The following SH3RF2 variants were observed in gnomAD, a reference collection of about 807,000 sequenced individuals.
The protein encoded by SH3RF2 is SH3 domain containing ring finger 2, also known as E3 ubiquitin-protein ligase SH3RF2.
In SH3RF2, 43 loss-of-function variants were observed where a neutral mutation model predicts 59.0. That is an observed-to-expected ratio of 0.73 (90% CI 0.57 to 0.94). The LOEUF (loss-of-function observed/expected upper bound fraction) is 0.94. Ranked by LOEUF, SH3RF2 falls within the 40% of genes least tolerant of loss-of-function variation. SH3RF2 has a pLI of 0.00. For missense variants in SH3RF2, 930 were observed against 940.1 expected (o/e 0.99, Z 0.14); for synonymous variants, 391 against 391.5 (o/e 1.00, Z 0.01).
intron 2 of SH3RF2, among the ~76,000 whole-genome samples, chr5:145,996,315 A>G (rs1490840187): frequency 6.6e-6 from 1 of 152,216 alleles, no homozygotes; most frequent in Non-Finnish European, 1.5e-5. Flanking sequence ...CACTGCTTGG[A>G]AAAGCACAAA....
At chr5:146,064,196 G>A (rs1185639227), downstream of SH3RF2, among the ~76,000 whole-genome samples, 2 of 151,970 alleles carry the variant, frequency 1.3e-5, no homozygotes, top group East Asian at 3.9e-4. Flanking sequence ...AGGCATAAGA[G>A]TAAGAGTGAA....
intron 5 of SH3RF2, among the ~76,000 whole-genome samples, chr5:146,022,922 C>CAA (rs1398253089): frequency 3.6e-5 from 5 of 137,626 alleles, no homozygotes; most frequent in African/African-American, 1.1e-4. Context: ...CACACACACA[C>CAA]AATTCCTTAA....
intron 2 of SH3RF2, among the ~76,000 whole-genome samples, chr5:145,950,741 C>G (rs1194269281): frequency 1.3e-5 from 2 of 152,136 alleles, no homozygotes; most frequent in African/African-American, 4.8e-5. Context: ...AGCTCTGGTC[C>G]AGAACTGATC....
At chr5:146,016,372 A>G (rs1037379236) in intron 5 of SH3RF2, among the ~76,000 whole-genome samples, 2 of 151,390 alleles carry the variant, frequency 1.3e-5, no homozygotes, top group African/African-American at 4.9e-5. Flanking sequence ...GGATGGATGG[A>G]TGGATGGATG....
At chr5:146,029,674 CA>C (rs1761673457) in intron 5 of SH3RF2, among the ~76,000 whole-genome samples, 1 of 152,092 alleles carries the variant, frequency 6.6e-6, no homozygotes, top group South Asian at 2.1e-4. Context: ...ACAGAGGGCA[CA>C]AAAGGGGCAT....
At chr5:146,051,252 G>A (rs1348186200) in intron 7 of SH3RF2, among the ~76,000 whole-genome samples, 1 of 152,188 alleles carries the variant, frequency 6.6e-6, no homozygotes, top group East Asian at 1.9e-4. Context: ...GGGGTAGCCA[G>A]GTCATAAAGA....
intron 8 of SH3RF2, among the ~76,000 whole-genome samples, chr5:146,059,465 A>C (rs956192866): frequency 1.3e-5 from 2 of 150,894 alleles, no homozygotes; most frequent in African/African-American, 2.4e-5. Flanking sequence ...AATGTCTTCT[A>C]TTTCCTATCT....
chr5:145,981,394 C>T (rs1364709034), intron 2 of SH3RF2, among the ~76,000 whole-genome samples: 1 of 152,098 alleles, frequency 6.6e-6, no homozygotes, highest in African/African-American at 2.4e-5. Context: ...CCACTGCACC[C>T]AGACAGTCTC....
Position 146,027,595 on chromosome 5 carries a change from C to G in SH3RF2, c.1059+13534C>G, listed in dbSNP as rs145427920. On this transcript the variant is annotated intron_variant, in intron 5 of 9. Coordinates refer to ENST00000359120, the MANE Select transcript of SH3RF2 (RefSeq NM_152550.4). ...ACATACTTGATTACAAGGTATTAAG[C>G]GTGCAAAGTGCTAGTGAGGTTCAAT... 6.6e-3 allele frequency among the ~76,000 whole-genome samples: 1,011 copies of G among 152,308 alleles called. 6 individuals carry two copies. Among genetic ancestry groups the G allele is most frequent in the Non-Finnish European group, 0.011 (742 of 68,022 alleles).
At position 145,964,943 on chromosome 5, in the gene SH3RF2, AG is replaced by A. The variant is rs1758802186; in HGVS notation, c.378+26638del. Among the ~76,000 whole-genome samples, 3 of 152,278 alleles carry A rather than the reference AG, an allele frequency of 2.0e-5. No homozygotes were observed. In the South Asian group the frequency reaches 6.2e-4, roughly 32 times the overall value. ...AGGCATGGTGGTCTCCTGTAATCTC[AG>A]CACTTTGGGAGGCCGAGGCAGGTGG... On this transcript the variant is annotated intron_variant, in intron 2 of 9. Transcript: ENST00000359120.
chr5:145,962,046 C>T (rs994786402), intron 2 of SH3RF2, among the ~76,000 whole-genome samples: 14 of 152,200 alleles, frequency 9.2e-5, no homozygotes, highest in African/African-American at 3.4e-4. Flanking sequence ...TCTTTAAGCT[C>T]TTAATCTTAG....
intron 2 of SH3RF2, among the ~76,000 whole-genome samples, chr5:145,942,768 C>G (rs1293501533): frequency 6.6e-6 from 1 of 152,192 alleles, no homozygotes; most frequent in Non-Finnish European, 1.5e-5. Context: ...CACACATTTA[C>G]AAACATTTTT....
At chr5:146,053,901 A>G (rs138334433) in intron 7 of SH3RF2, among the ~76,000 whole-genome samples, 95 of 152,290 alleles carry the variant, frequency 6.2e-4, no homozygotes, top group African/African-American at 2.1e-3. Flanking sequence ...GCCAGTGGTG[A>G]ACACAGTAGA....
intron 2 of SH3RF2, among the ~76,000 whole-genome samples, chr5:145,977,477 T>C (rs1225008006): frequency 6.6e-6 from 1 of 152,240 alleles, no homozygotes; most frequent in Non-Finnish European, 1.5e-5. Flanking sequence ...GGAGATACTC[T>C]GTAGGCTGAA....
intron 5 of SH3RF2, among the ~76,000 whole-genome samples, chr5:146,019,149 A>AC (rs1219047386): frequency 1.3e-5 from 2 of 151,418 alleles, no homozygotes; most frequent in African/African-American, 4.9e-5. Flanking sequence ...TCTTTGTTGC[A>AC]TTTGCTTTTG....
chr5:146,017,825 G>A (rs191337721), intron 5 of SH3RF2, among the ~76,000 whole-genome samples: 27 of 149,004 alleles, frequency 1.8e-4, no homozygotes, highest in African/African-American at 5.9e-4. Context: ...GCCTCACCCC[G>A]CCCAATCCCT....
chr5:145,998,812 G>C (rs1580836041), intron 2 of SH3RF2, among the ~76,000 whole-genome samples: 1 of 152,282 alleles, frequency 6.6e-6, no homozygotes, highest in East Asian at 1.9e-4. Context: ...TCGGGAGGCT[G>C]AGGCAGGAGA....
chr5:146,042,770 T>C lies in SH3RF2; in HGVS notation c.1060-5002T>C, dbSNP rs12188952. Among the ~76,000 whole-genome samples the C allele has an allele frequency of 5.0e-3, 765 of 152,326 alleles. 3 individuals carry two copies. Among genetic ancestry groups the C allele is most frequent in the Non-Finnish European group, 8.1e-3 (549 of 68,024 alleles). ...AGCCATATAACTGTGGATTCTGCTGTGGTTGATAAAGACTTCTTTTAAGTG... is the reference window on the plus strand; with the variant it reads ...AGCCATATAACTGTGGATTCTGCTGCGGTTGATAAAGACTTCTTTTAAGTG... On this transcript the variant is annotated intron_variant, in intron 5 of 9. Transcript: ENST00000359120.
intron 7 of SH3RF2, among the ~76,000 whole-genome samples, chr5:146,054,112 G>C (rs1228837854): frequency 6.6e-6 from 1 of 152,178 alleles, no homozygotes; most frequent in African/African-American, 2.4e-5. Context: ...GGGGTGTCCT[G>C]GGGGTTAATA....
Sources: allele counts gnomAD v4.1 joint callset (sites outside exome capture counted in the v4.1 genomes callset), GRCh38; gene constraint gnomAD v4.1.1; transcripts MANE v1.5; gene names NCBI Gene and HGNC (gene_info 2026-07-23, HGNC 2026-07-21).